SOX5: variants seen among roughly 807,000 people sequenced by gnomAD.
The protein encoded by SOX5 is SRY-box transcription factor 5, also known as transcription factor SOX-5.
A neutral mutation model predicts 92.0 loss-of-function variants in SOX5; 9 were observed. The ratio of observed to expected loss-of-function variants is 0.10; its 90% CI spans 0.06 to 0.17. The LOEUF (loss-of-function observed/expected upper bound fraction) is 0.17. Among genes scored for constraint, SOX5 ranks in the 10% least tolerant of loss-of-function variants. SOX5 has a pLI of 1.00. For synonymous variants in SOX5, 344 were observed against 336.3 expected (o/e 1.02, Z -0.25); for missense variants, 642 against 944.5 (o/e 0.68, Z 4.20).
intron 1 of SOX5, among the ~76,000 whole-genome samples, chr12:23,925,271 T>C (rs1939633472): frequency 6.6e-6 from 1 of 152,136 alleles, no homozygotes; most frequent in South Asian, 2.1e-4. Context: ...CTGTGTGTGT[T>C]ACATTTGAAT....
chr12:24,525,690 T>C (rs1950639719), intron 1 of SOX5, among the ~76,000 whole-genome samples: 1 of 151,800 alleles, frequency 6.6e-6, no homozygotes, highest in Non-Finnish European at 1.5e-5. Context: ...GCTAACGCAG[T>C]GAAACCCCGT....
At chr12:23,900,750 T>C (rs561929183) in intron 1 of SOX5, among the ~76,000 whole-genome samples, 4 of 151,982 alleles carry the variant, frequency 2.6e-5, no homozygotes, top group Non-Finnish European at 5.9e-5. Context: ...CTGAGATGGG[T>C]GGATCACGAG....
chr12:23,983,290 C>T (rs758400915), intron 4 of SOX5, among the ~76,000 whole-genome samples: 2 of 152,236 alleles, frequency 1.3e-5, no homozygotes, highest in East Asian at 1.9e-4. Context: ...GAATGTTAAC[C>T]TTCCTGAGTG....
At chr12:23,941,206 C>T in intron 1 of SOX5, among the ~76,000 whole-genome samples, 1 of 151,520 alleles carries the variant, frequency 6.6e-6, no homozygotes, top group Non-Finnish European at 1.5e-5. Context: ...ATTATATTCC[C>T]TAAAATAATC....
intron 1 of SOX5, among the ~76,000 whole-genome samples, chr12:23,910,545 ATTAG>A (rs1048611120): frequency 1.3e-5 from 2 of 152,170 alleles, no homozygotes; most frequent in African/African-American, 2.4e-5. Context: ...CCATAACTGT[ATTAG>A]TTAGTAAGCA....
At chr12:23,714,593 T>A (rs193157674) in intron 6 of SOX5, among the ~76,000 whole-genome samples, 123 of 152,008 alleles carry the variant, frequency 8.1e-4, no homozygotes, top group Non-Finnish European at 1.6e-3. Flanking sequence ...TGTACTCCAG[T>A]GCGGGTGACA....
At position 23,927,304 on chromosome 12, in the gene SOX5, A is replaced by G. The variant is rs560345684; in HGVS notation, c.38+22260T>C. Among the ~76,000 whole-genome samples the G allele has an allele frequency of 5.9e-5, 9 of 152,154 alleles. No homozygotes were observed. In the East Asian group the frequency reaches 1.4e-3, roughly 23 times the overall value. On this transcript the variant is annotated intron_variant, in intron 1 of 14. Coordinates refer to ENST00000451604, the MANE Select transcript of SOX5 (RefSeq NM_006940.6). ...GGGCTATCCTTTCCACTGGAGGTAT[A>G]TCACTTTTGTGAAGAATTCATACCA... is the stretch of plus-strand genomic sequence containing the variant.
chr12:24,379,721 A>G (rs778796204), intron 1 of SOX5, among the ~76,000 whole-genome samples: 2 of 152,130 alleles, frequency 1.3e-5, no homozygotes, highest in African/African-American at 4.8e-5. Flanking sequence ...CTGAGGCCCA[A>G]CTACATTCCT....
intron 4 of SOX5, among the ~76,000 whole-genome samples, chr12:24,014,583 C>A (rs944412839): frequency 2.0e-5 from 3 of 152,076 alleles, no homozygotes; most frequent in Non-Finnish European, 4.4e-5. Context: ...AGTTAATAAG[C>A]CTTGATCTTG....
intron 2 of SOX5, among the ~76,000 whole-genome samples, chr12:24,306,548 G>C (rs1009502810): frequency 2.6e-5 from 4 of 152,178 alleles, no homozygotes; most frequent in African/African-American, 9.7e-5. Flanking sequence ...CAGGGAAGAT[G>C]AATGTTTGTT....
At chr12:24,453,337 T>C (rs1437663661) in intron 1 of SOX5, among the ~76,000 whole-genome samples, 3 of 152,186 alleles carry the variant, frequency 2.0e-5, no homozygotes, top group Admixed American at 2.0e-4. Context: ...CAAAAGTGCA[T>C]GCTGAAGTGG....
intron 4 of SOX5, among the ~76,000 whole-genome samples, chr12:24,069,707 A>T (rs1485124413): frequency 6.6e-6 from 1 of 152,192 alleles, no homozygotes; most frequent in African/African-American, 2.4e-5. Flanking sequence ...TAGCATCCTA[A>T]TGCTTTTACA....
intron 2 of SOX5, among the ~76,000 whole-genome samples, chr12:24,278,341 A>G (rs2140387602): frequency 6.6e-6 from 1 of 152,328 alleles, no homozygotes; most frequent in African/African-American, 2.4e-5. Flanking sequence ...GACAAAGAGA[A>G]GAATCCACAT....
At chr12:23,771,529 C>T (rs967882541) in intron 3 of SOX5, among the ~76,000 whole-genome samples, 7 of 152,310 alleles carry the variant, frequency 4.6e-5, no homozygotes, top group East Asian at 1.9e-4. Context: ...ATTATACAAC[C>T]GCTGACTGAG....
chr12:24,507,638 A>C (rs1948920954), intron 1 of SOX5, among the ~76,000 whole-genome samples: 1 of 152,246 alleles, frequency 6.6e-6, no homozygotes, highest in African/African-American at 2.4e-5. Context: ...GCAGGGAATT[A>C]GATAATCTCA....
chr12:24,220,470 A>G lies in SOX5; in HGVS notation c.-76-7053T>C, dbSNP rs561279548. The stretch of plus-strand genomic sequence containing the variant: ...GAATTTTTTACTTTCTTGTTTTGCT[A>G]AACTATATTTTCTAAATATTTCTCC... On this transcript the variant is annotated intron_variant, in intron 3 of 4. Coordinates refer to the SOX5 transcript ENST00000446891. 4.6e-5 allele frequency among the ~76,000 whole-genome samples: 7 copies of G among 152,194 alleles called. No individual in the cohort carries two copies. The South Asian group carries it at 8.3e-4, about 18-fold the overall frequency.
chr12:23,577,202 T>A (rs1190540449), intron 9 of SOX5, among the ~76,000 whole-genome samples: 9 of 136,028 alleles, frequency 6.6e-5, no homozygotes, highest in African/African-American at 2.1e-4. Flanking sequence ...TTTTTTTTTT[T>A]TTTTTTTTTT....
chr12:23,977,507 T>C (rs1041856468), intron 4 of SOX5, among the ~76,000 whole-genome samples: 9 of 151,984 alleles, frequency 5.9e-5, no homozygotes, highest in Admixed American at 4.6e-4. Flanking sequence ...CCATCTCTAC[T>C]AAAGAATTAG....
intron 2 of SOX5, among the ~76,000 whole-genome samples, chr12:24,288,070 T>C (rs971535562): frequency 6.6e-6 from 1 of 152,202 alleles, no homozygotes; most frequent in Non-Finnish European, 1.5e-5. Context: ...ATTGACAGAA[T>C]ATTGTTTTTA....
Sources: gnomAD v4.1 joint callset for allele counts (sites outside exome capture counted in the v4.1 genomes callset) on GRCh38, gnomAD v4.1.1 for gene constraint, MANE v1.5 for transcripts, NCBI Gene and HGNC (gene_info 2026-07-23, HGNC 2026-07-21) for gene names.